The following LCLAT1 variants were observed in gnomAD, a reference collection of about 807,000 sequenced individuals.
The protein encoded by LCLAT1 is lysocardiolipin acyltransferase 1, also known as 1-AGP acyltransferase 8.
A neutral mutation model predicts 30.7 loss-of-function variants in LCLAT1; 11 were observed. That is an observed-to-expected ratio of 0.36 (90% CI 0.23 to 0.59). LCLAT1 has a LOEUF of 0.59. LCLAT1 is among the 20% of genes least tolerant of loss of function. LCLAT1 has a pLI of 0.77. For synonymous variants in LCLAT1, 155 were observed against 151.3 expected, an observed-to-expected ratio of 1.02 and a Z score of -0.18; for missense variants, 402 against 458.6, an observed-to-expected ratio of 0.88 and a Z score of 1.13.
intron 1 of LCLAT1, among the ~76,000 whole-genome samples, chr2:30,459,199 T>C (rs985544270): frequency 2.0e-5 from 3 of 152,068 alleles, no homozygotes; most frequent in African/African-American, 7.2e-5. Flanking sequence ...TTACCTGTTT[T>C]TTCTTGGGTT....
intron 3 of LCLAT1, chr2:30,552,539 T>C: frequency 2.2e-6 from 1 of 449,374 alleles, no homozygotes; most frequent in South Asian, 1.6e-5. Context: ...TACAACAGGA[T>C]TGTTGCTGCA....
At chr2:30,613,017 G>T (rs1262204350) in intron 5 of LCLAT1, among the ~76,000 whole-genome samples, 2 of 152,144 alleles carry the variant, frequency 1.3e-5, no homozygotes, top group African/African-American at 4.8e-5. Context: ...GGGTAGTCAG[G>T]GCTCCCCTGA....
chr2:30,513,709 CT>C (rs1181882259), intron 1 of LCLAT1, among the ~76,000 whole-genome samples: 1 of 152,176 alleles, frequency 6.6e-6, no homozygotes, highest in African/African-American at 2.4e-5. Flanking sequence ...GTAGTCACCC[CT>C]CTGCTAACTG....
intron 3 of LCLAT1, among the ~76,000 whole-genome samples, chr2:30,537,978 C>A (rs775855586): frequency 1.3e-5 from 2 of 151,548 alleles, no homozygotes; most frequent in African/African-American, 4.9e-5. Flanking sequence ...TCTGAATGAC[C>A]GGTGGATCAA....
At chr2:30,475,599 A>T (rs565376475) in intron 1 of LCLAT1, among the ~76,000 whole-genome samples, 6 of 152,328 alleles carry the variant, frequency 3.9e-5, no homozygotes, top group African/African-American at 7.2e-5. Context: ...GAACATTTTA[A>T]TGCATGTTTA....
rs1033358258 is a variant in LCLAT1, at chr2:30,641,695, G to A, written c.*1076G>A. 6.6e-6 allele frequency: 1 copy of A among 151,952 alleles called. No homozygotes were observed. The highest frequency in any genetic ancestry group is 2.4e-5 in the African/African-American group (1 of 41,272). 9.4% of individuals were successfully genotyped at this position (151,952 alleles called of 1,614,324 possible). On this transcript the variant is annotated 3_prime_UTR_variant, in exon 6 of 6. Coordinates refer to ENST00000379509, the MANE Select transcript of LCLAT1 (RefSeq NM_001002257.3). ...AACACAAAAATTAATCCTTAATAAT[G>A]ATAGCAAGTGATCTTTCTTTTTAGT...
intron 1 of LCLAT1, among the ~76,000 whole-genome samples, chr2:30,479,040 AC>A (rs1683191936): frequency 1.3e-5 from 2 of 152,152 alleles, no homozygotes; most frequent in South Asian, 4.1e-4. Flanking sequence ...TATAGCTCAA[AC>A]TTGAAAAATA....
At chr2:30,509,093 A>G (rs1310480664) in intron 1 of LCLAT1, among the ~76,000 whole-genome samples, 2 of 152,074 alleles carry the variant, frequency 1.3e-5, no homozygotes, top group Admixed American at 1.3e-4. Context: ...ATATAGGAAT[A>G]TTAGTGATTT....
chr2:30,451,439 A>G (rs1313357871), intron 1 of LCLAT1, among the ~76,000 whole-genome samples: 1 of 152,388 alleles, frequency 6.6e-6, no homozygotes, highest in East Asian at 1.9e-4. Context: ...AAACTAAAAA[A>G]CATGTTAAAG....
chr2:30,549,313 G>T (rs1176598043), intron 3 of LCLAT1, among the ~76,000 whole-genome samples: 2 of 152,088 alleles, frequency 1.3e-5, no homozygotes, highest in African/African-American at 4.8e-5. Flanking sequence ...TTTACATTGC[G>T]TTAGGCTGCT....
intron 3 of LCLAT1, among the ~76,000 whole-genome samples, chr2:30,534,758 A>C (rs1686159906): frequency 1.3e-5 from 2 of 151,992 alleles, no homozygotes; most frequent in African/African-American, 2.4e-5. Flanking sequence ...AAACAGTATC[A>C]CTCCTATCAT....
In LCLAT1 at chr2:30,595,796, C is replaced by T. The variant is rs540190771; in HGVS notation, c.628+27620C>T. On this transcript the variant is annotated intron_variant, in intron 5 of 5. Transcript: ENST00000379509. ...TATTTCCTGATGCTTTCCCCCACTC[C>T]CACCCACGGCAGGCCCCAGTGTGTG... is the stretch of plus-strand genomic sequence containing the variant. 7.2e-5 allele frequency among the ~76,000 whole-genome samples: 11 copies of T among 152,222 alleles called. No individual in the cohort carries two copies. In the South Asian group the frequency reaches 2.1e-3, roughly 29 times the overall value.
At chr2:30,581,553 A>G (rs1466157672) in intron 5 of LCLAT1, among the ~76,000 whole-genome samples, 2 of 152,234 alleles carry the variant, frequency 1.3e-5, no homozygotes, top group Non-Finnish European at 2.9e-5. Context: ...GTGTGTAAGT[A>G]TATACAATGG....
intron 1 of LCLAT1, among the ~76,000 whole-genome samples, chr2:30,457,017 T>G (rs1357445209): frequency 6.6e-6 from 1 of 152,202 alleles, no homozygotes; most frequent in East Asian, 1.9e-4. Flanking sequence ...AGTGACAGCT[T>G]AACTATGTCT....
At position 30,640,698 on chromosome 2, in the gene LCLAT1, T is replaced by C; in HGVS notation, c.*79T>C. 6.8e-7 allele frequency: 1 copy of C among 1,475,522 alleles called. No individual in the cohort carries two copies. Among genetic ancestry groups the C allele is most frequent in the Non-Finnish European group, 9.1e-7 (1 of 1,103,782 alleles). The allele number at this position is 1,475,522 out of a possible 1,614,324, so 91.4% of individuals were successfully genotyped here. A position where few individuals can be genotyped will look rare whatever the true frequency, so the allele number is the denominator to read the frequency against. ...ACCTTTCTAAGCTCAGATGCATTTT[T>C]GCATGACTATGTCGAATATTTCTTA... On this transcript the variant is annotated 3_prime_UTR_variant, in exon 6 of 6. Transcript: ENST00000379509.
chr2:30,468,473 C>T (rs998408125), intron 1 of LCLAT1, among the ~76,000 whole-genome samples: 2 of 151,728 alleles, frequency 1.3e-5, no homozygotes, highest in Admixed American at 1.3e-4. Context: ...TTGTAAATGA[C>T]CTCCACTGTG....
At chr2:30,473,402 A>G (rs1330130992) in intron 1 of LCLAT1, among the ~76,000 whole-genome samples, 4 of 152,160 alleles carry the variant, frequency 2.6e-5, no homozygotes, top group Non-Finnish European at 4.4e-5. Context: ...ACGGAAGAGA[A>G]CCTGGTAAGC....
intron 5 of LCLAT1, among the ~76,000 whole-genome samples, chr2:30,584,044 G>C (rs1226543060): frequency 7.9e-5 from 12 of 151,834 alleles, no homozygotes; most frequent in Non-Finnish European, 2.9e-5. Context: ...CTCTCAGCAG[G>C]CCCTGGTGTG....
intron 1 of LCLAT1, among the ~76,000 whole-genome samples, chr2:30,483,030 A>G (rs1250067310): frequency 2.6e-5 from 4 of 152,214 alleles, no homozygotes; most frequent in South Asian, 2.1e-4. Flanking sequence ...GCAGAAGAAC[A>G]TGAGATAAAA....
Sources: gnomAD v4.1 joint callset for allele counts (sites outside exome capture counted in the v4.1 genomes callset) on GRCh38, gnomAD v4.1.1 for gene constraint, MANE v1.5 for transcripts, NCBI Gene and HGNC (gene_info 2026-07-23, HGNC 2026-07-21) for gene names.